The following ADAMTS14 variants were observed in gnomAD, a reference collection of about 807,000 sequenced individuals.
The protein encoded by ADAMTS14 is A disintegrin and metalloproteinase with thrombospondin motifs 14.
Under a neutral mutation model 128.6 loss-of-function variants are expected in ADAMTS14, and 100 were observed. The ratio of observed to expected loss-of-function variants is 0.78; its 90% CI spans 0.66 to 0.92. The LOEUF (loss-of-function observed/expected upper bound fraction) is 0.92. ADAMTS14 is among the 40% of genes least tolerant of loss of function. ADAMTS14 has a pLI of 0.00. For missense variants in ADAMTS14, 1,562 were observed against 1,658.6 expected, an observed-to-expected ratio of 0.94 and a Z score of 1.01; for synonymous variants, 665 against 653.8, an observed-to-expected ratio of 1.02 and a Z score of -0.26.
At chr10:70,708,833 C>G in intron 4 of ADAMTS14, 55 bp downstream of exon 4, 1 of 1,262,642 alleles carries the variant, frequency 7.9e-7, no homozygotes, top group South Asian at 1.8e-5. Flanking sequence ...TGGGCCCCAC[C>G]CCACCCCACT....
intron 2 of ADAMTS14, among the ~76,000 whole-genome samples, chr10:70,696,539 A>G (rs1180022388): frequency 6.6e-6 from 1 of 152,150 alleles, no homozygotes; most frequent in Non-Finnish European, 1.5e-5. Context: ...GTTGGGCTGA[A>G]CCAGGGTGGA....
intron 2 of ADAMTS14, among the ~76,000 whole-genome samples, chr10:70,693,884 T>G (rs1359103456): frequency 6.6e-6 from 1 of 152,196 alleles, no homozygotes; most frequent in Non-Finnish European, 1.5e-5. Context: ...AACCTTTGGC[T>G]TGTTGTGGCA....
At chr10:70,682,410 C>G (rs982336920) in intron 2 of ADAMTS14, among the ~76,000 whole-genome samples, 11 of 152,184 alleles carry the variant, frequency 7.2e-5, no homozygotes, top group African/African-American at 2.7e-4. Flanking sequence ...CCTTGGGTTG[C>G]TTGTGAGCTC....
chr10:70,682,447 G>A (rs1839838984), intron 2 of ADAMTS14, among the ~76,000 whole-genome samples: 1 of 152,232 alleles, frequency 6.6e-6, no homozygotes, highest in African/African-American at 2.4e-5. Context: ...GGGTGAGTGT[G>A]ACCCTGGAAC....
Position 70,672,545 on chromosome 10 carries a change from C to G in ADAMTS14, c.-258C>G, listed in dbSNP as rs1284661604. Among the ~76,000 whole-genome samples, 9 of 150,822 alleles carry G rather than the reference C, an allele frequency of 6.0e-5. No individual in the cohort carries two copies. In the East Asian group the frequency reaches 1.7e-3, roughly 29 times the overall value. On this transcript the variant is annotated 5_prime_UTR_variant, in exon 1 of 22. Coordinates refer to ENST00000373207, the MANE Select transcript of ADAMTS14 (RefSeq NM_080722.4). ...CTGACCGACCAGCCGGCAGTTGGCA[C>G]CGGGTGCGCTGGCGCGTCAGTGGCC...
intron 2 of ADAMTS14, among the ~76,000 whole-genome samples, chr10:70,675,315 A>G (rs1478596149): frequency 6.6e-6 from 1 of 152,096 alleles, no homozygotes; most frequent in Non-Finnish European, 1.5e-5. Context: ...GAGGATTTGG[A>G]TGAGTTAACC....
chr10:70,709,424 G>T (rs1283185944), intron 4 of ADAMTS14, among the ~76,000 whole-genome samples: 1 of 147,154 alleles, frequency 6.8e-6, no homozygotes, highest in Non-Finnish European at 1.5e-5. Context: ...CAGAAATGTA[G>T]TTTTTTTTTA....
chr10:70,745,184 A>T, intron 14 of ADAMTS14, 42 bp from the exon 15 acceptor site: 1 of 1,590,014 alleles, frequency 6.3e-7, no homozygotes, highest in Non-Finnish European at 8.6e-7. Context: ...TGGGACCACC[A>T]GCTTAGGATG....
At chr10:70,689,679 G>A (rs1840128582) in intron 2 of ADAMTS14, among the ~76,000 whole-genome samples, 1 of 145,640 alleles carries the variant, frequency 6.9e-6, no homozygotes, top group South Asian at 2.2e-4. Context: ...GCCTTCCTGC[G>A]CTCCCTTGCC....
intron 8 of ADAMTS14, among the ~76,000 whole-genome samples, chr10:70,734,773 C>T (rs1030737657): frequency 1.3e-5 from 2 of 152,204 alleles, no homozygotes; most frequent in African/African-American, 4.8e-5. Flanking sequence ...CGCCCAGGGT[C>T]CATCTTGCAT....
At chr10:70,759,362 T>C (rs1842555566) in intron 21 of ADAMTS14, among the ~76,000 whole-genome samples, 1 of 151,648 alleles carries the variant, frequency 6.6e-6, no homozygotes, top group South Asian at 2.1e-4. Flanking sequence ...CCTCTTTCTC[T>C]CTCTCTCTCT....
chr10:70,743,550 G>C lies in ADAMTS14; in HGVS notation c.1927G>C (p.Ala643Pro). 1.2e-6 allele frequency: 2 copies of C among 1,612,320 alleles called. No homozygotes were observed. Among genetic ancestry groups the C allele is most frequent in the Non-Finnish European group, 1.7e-6 (2 of 1,179,532 alleles). Residue 643 changes from alanine (A) to proline (P), a missense_variant and splice_region_variant, in exon 13 of 22, where the codon GCC becomes CCC. Transcript: ENST00000373207. ...CAGCATAGTCCCTCTCCCTACAGAC[G>C]CCCAGAAGTGTGAGCTGATCTGCCA... The part of the protein sequence containing the change: ...SWVPYEPDDD[A>P]QKCELICQSA...
chr10:70,754,848 G>A (rs2132751307), intron 19 of ADAMTS14, among the ~76,000 whole-genome samples: 1 of 152,314 alleles, frequency 6.6e-6, no homozygotes, highest in South Asian at 2.1e-4. Context: ...AGGGGAGATA[G>A]CAGTAGCGCT....
At chr10:70,742,474 C>T (rs1842031167) in intron 12 of ADAMTS14, among the ~76,000 whole-genome samples, 1 of 152,226 alleles carries the variant, frequency 6.6e-6, no homozygotes, top group African/African-American at 2.4e-5. Flanking sequence ...CCAAGGTGGT[C>T]TTGGAGGTTG....
chr10:70,726,056 C>T (rs964905823), intron 4 of ADAMTS14, among the ~76,000 whole-genome samples: 1 of 152,234 alleles, frequency 6.6e-6, no homozygotes, highest in Non-Finnish European at 1.5e-5. Context: ...AGTGGTATCT[C>T]CAGATGGGCT....
chr10:70,716,201 C>T (rs1841035062), intron 4 of ADAMTS14, among the ~76,000 whole-genome samples: 1 of 152,206 alleles, frequency 6.6e-6, no homozygotes, highest in South Asian at 2.1e-4. Flanking sequence ...TAATGATCTT[C>T]CCAGAGGTTC....
intron 4 of ADAMTS14, among the ~76,000 whole-genome samples, chr10:70,711,670 C>T (rs1340595601): frequency 1.3e-5 from 2 of 152,210 alleles, no homozygotes; most frequent in African/African-American, 2.4e-5. Context: ...AGTTGTTCCT[C>T]GCCTGAGTTT....
rs1589256796 is a variant in ADAMTS14, at chr10:70,681,034, G to A, written c.522+6039G>A. On this transcript the variant is annotated intron_variant, in intron 2 of 21. Transcript: ENST00000373207. ...TATTGCAATGATATATAGATCATTGGCATTATCTGACTGGCCCTTGGCCAA... is the reference window on the plus strand; with the variant it reads ...TATTGCAATGATATATAGATCATTGACATTATCTGACTGGCCCTTGGCCAA... Among the ~76,000 whole-genome samples the A allele has an allele frequency of 2.0e-5, 3 of 152,312 alleles. No individual in the cohort carries two copies. In the South Asian group the frequency reaches 6.2e-4, roughly 32 times the overall value.
chr10:70,702,537 G>A, intron 3 of ADAMTS14, 69 bp downstream of exon 3: 1 of 1,523,722 alleles, frequency 6.6e-7, no homozygotes, highest in South Asian at 1.3e-5. Context: ...GGTCACTTCT[G>A]TCCTTAAGCT....
Sources: gnomAD v4.1 joint callset for allele counts (sites outside exome capture counted in the v4.1 genomes callset) on GRCh38, gnomAD v4.1.1 for gene constraint, MANE v1.5 for transcripts, NCBI Gene and HGNC (gene_info 2026-07-23, HGNC 2026-07-21) for gene names.